SH3GL1: variants seen among roughly 807,000 people sequenced by gnomAD.
SH3GL1 encodes endophilin-A2.
A neutral mutation model predicts 48.8 loss-of-function variants in SH3GL1; 21 were observed. That is an observed-to-expected ratio of 0.43 (90% CI 0.30 to 0.62). SH3GL1 has a LOEUF of 0.62. SH3GL1 is among the 20% of genes least tolerant of loss of function. The pLI is 0.11. For missense variants in SH3GL1, 454 were observed against 503.0 expected (o/e 0.90, Z 0.93); for synonymous variants, 282 against 217.5 (o/e 1.30, Z -2.61).
At chr19:4,362,276 C>A in intron 9 of SH3GL1, 53 bp downstream of exon 9, 2 of 1,562,828 alleles carry the variant, frequency 1.3e-6, no homozygotes, top group Non-Finnish European at 1.7e-6. Context: ...AACACCCTCC[C>A]CGAATGGCCG....
chr19:4,383,186 G>C (rs904838003), intron 1 of SH3GL1, among the ~76,000 whole-genome samples: 1 of 151,622 alleles, frequency 6.6e-6, no homozygotes, highest in South Asian at 2.1e-4. Flanking sequence ...CCAAAATGCT[G>C]GGATTACAGG....
intron 1 of SH3GL1, among the ~76,000 whole-genome samples, chr19:4,369,071 CAAAA>C (rs1018911764): frequency 9.9e-5 from 15 of 151,920 alleles, no homozygotes; most frequent in East Asian, 9.7e-4. Flanking sequence ...GACTCCATCT[CAAAA>C]GAAAGAAGAA....
chr19:4,383,267 T>A (rs1483797536), intron 1 of SH3GL1, among the ~76,000 whole-genome samples: 2 of 150,292 alleles, frequency 1.3e-5, no homozygotes, highest in Non-Finnish European at 2.9e-5. Context: ...CAGGCTAGAG[T>A]GCAGTGGCGT....
At chr19:4,393,644 G>A (rs1455848488) in intron 1 of SH3GL1, among the ~76,000 whole-genome samples, 1 of 151,892 alleles carries the variant, frequency 6.6e-6, no homozygotes, top group African/African-American at 2.4e-5. Context: ...ACAAAAATGA[G>A]CTGGGCGTGG....
At chr19:4,386,922 T>C (rs1044461683) in intron 1 of SH3GL1, among the ~76,000 whole-genome samples, 1 of 152,158 alleles carries the variant, frequency 6.6e-6, no homozygotes, top group Non-Finnish European at 1.5e-5. Flanking sequence ...TCCGCTGCAA[T>C]TCCCCTTCTG....
chr19:4,377,266 G>C lies in SH3GL1; in HGVS notation c.46-10272C>G, dbSNP rs144642229. 1.7e-3 allele frequency among the ~76,000 whole-genome samples: 266 copies of C among 152,372 alleles called. 2 individuals are homozygous for C. Among genetic ancestry groups the C allele is most frequent in the African/African-American group, 6.2e-3 (257 of 41,590 alleles). On this transcript the variant is annotated intron_variant, in intron 1 of 9. Coordinates refer to ENST00000269886, the MANE Select transcript of SH3GL1 (RefSeq NM_003025.4). Reference sequence around the variant, plus strand: ...TGAGGTCTGGGCGGATAGGACACGGGAGAGGCAAGCACTGGAGGCCAAACA... The same window carrying C: ...TGAGGTCTGGGCGGATAGGACACGGCAGAGGCAAGCACTGGAGGCCAAACA...
At chr19:4,391,778 G>A (rs1009441229) in intron 1 of SH3GL1, among the ~76,000 whole-genome samples, 33 of 152,188 alleles carry the variant, frequency 2.2e-4, no homozygotes, top group African/African-American at 8.0e-4. Flanking sequence ...CTGGCACACA[G>A]TTCAGGCCTC....
chr19:4,386,319 T>C (rs1054442145), intron 1 of SH3GL1, among the ~76,000 whole-genome samples: 41 of 152,184 alleles, frequency 2.7e-4, no homozygotes, highest in African/African-American at 9.9e-4. Context: ...GCAGGGGGCT[T>C]CCTGAGAATA....
Position 4,367,740 on chromosome 19 carries a change from C to T in SH3GL1, c.46-746G>A, listed in dbSNP as rs940214215. Among the ~76,000 whole-genome samples, 5 of 152,240 alleles carry T rather than the reference C, an allele frequency of 3.3e-5. No individual in the cohort carries two copies. Among genetic ancestry groups the T allele is most frequent in the Non-Finnish European group, 7.3e-5 (5 of 68,038 alleles). Reference sequence around the variant, plus strand: ...TGAATTCCCAAACCACTCCCTCTGACAGCGCCTGGGATGCGAAAAACAGCC... The same window carrying T: ...TGAATTCCCAAACCACTCCCTCTGATAGCGCCTGGGATGCGAAAAACAGCC... On this transcript the variant is annotated intron_variant, in intron 1 of 9. Coordinates refer to ENST00000269886, the MANE Select transcript of SH3GL1 (RefSeq NM_003025.4). The surrounding 1 kb of genome is among the most constrained non-coding windows in gnomAD (Gnocchi z 4.2).
chr19:4,399,979 A>G (rs898479278), intron 1 of SH3GL1, among the ~76,000 whole-genome samples: 2 of 152,128 alleles, frequency 1.3e-5, no homozygotes, highest in African/African-American at 2.4e-5. Context: ...ATCTGGCAAG[A>G]GTCCTGTGTC....
At position 4,400,201 on chromosome 19, in the gene SH3GL1, G is replaced by T; in HGVS notation, c.45+123C>A. ...GTCCCTTGGTCTTCCCACCTGGCAGGGGACACGCGCCAACGTCCCCACCTC... is the reference window on the plus strand; with the variant it reads ...GTCCCTTGGTCTTCCCACCTGGCAGTGGACACGCGCCAACGTCCCCACCTC... On this transcript the variant is annotated intron_variant, in intron 1 of 9. Transcript: ENST00000269886. The surrounding 1 kb of genome is among the most constrained non-coding windows in gnomAD (Gnocchi z 4.1). 1 of 1,075,878 alleles carries T rather than the reference G, an allele frequency of 9.3e-7. No individual in the cohort carries two copies. Among genetic ancestry groups the T allele is most frequent in the East Asian group, 3.1e-5 (1 of 32,640 alleles). The allele number at this position is 1,075,878 out of a possible 1,614,324, so 66.6% of individuals were successfully genotyped here.
intron 1 of SH3GL1, among the ~76,000 whole-genome samples, chr19:4,369,659 G>C (rs1056512284): frequency 6.6e-6 from 1 of 152,162 alleles, no homozygotes; most frequent in Non-Finnish European, 1.5e-5. Flanking sequence ...ATCTCACCTG[G>C]GAATCCAGGA....
At chr19:4,388,265 G>T (rs1211771214) in intron 1 of SH3GL1, among the ~76,000 whole-genome samples, 1 of 152,220 alleles carries the variant, frequency 6.6e-6, no homozygotes. Flanking sequence ...GGCCGAATCA[G>T]CTAATGGGTT....
At chr19:4,397,910 G>A (rs932525967) in intron 1 of SH3GL1, among the ~76,000 whole-genome samples, 1 of 151,970 alleles carries the variant, frequency 6.6e-6, no homozygotes, top group Non-Finnish European at 1.5e-5. Context: ...GCAGTGGCAC[G>A]ATCATAGTTC....
chr19:4,362,485 T>C lies in SH3GL1; in HGVS notation c.854-100A>G. On this transcript the variant is annotated intron_variant, in intron 8 of 9. Transcript: ENST00000269886. ...CAGCCCTTCCCGTCTGCCTTGGCGG[T>C]CCAGATGGAGCACGGCTGAGAGCTG... 5 of 1,571,392 alleles carry C rather than the reference T, an allele frequency of 3.2e-6. No homozygotes were observed. In the African/African-American group the frequency reaches 6.8e-5, roughly 21 times the overall value.
In SH3GL1 at chr19:4,361,523, G is replaced by A. The variant is rs1421481208; in HGVS notation, c.*77C>T. On this transcript the variant is annotated 3_prime_UTR_variant, in exon 10 of 10. Transcript: ENST00000269886. Reference sequence around the variant, plus strand: ...CTCAGACACCGCCCTGGCAGCAGGGGCTCCGTGGAATGCAGGAGACCCAGC... The same window carrying A: ...CTCAGACACCGCCCTGGCAGCAGGGACTCCGTGGAATGCAGGAGACCCAGC... 10 of 1,158,144 alleles carry A rather than the reference G, an allele frequency of 8.6e-6. No individual in the cohort carries two copies. The highest frequency in any genetic ancestry group is 8.6e-6 in the Non-Finnish European group (7 of 813,642). The allele number at this position is 1,158,144 out of a possible 1,614,324, so 71.7% of individuals were successfully genotyped here.
At chr19:4,378,020 C>T (rs1172104378) in intron 1 of SH3GL1, among the ~76,000 whole-genome samples, 1 of 152,170 alleles carries the variant, frequency 6.6e-6, no homozygotes, top group Non-Finnish European at 1.5e-5. Context: ...CTCTCGTCGC[C>T]AACCCACCCC....
intron 4 of SH3GL1, 93 bp from the exon 5 acceptor site, chr19:4,364,314 C>T (rs544472890): frequency 2.7e-6 from 4 of 1,506,200 alleles, no homozygotes; most frequent in Non-Finnish European, 2.8e-6. Context: ...TAGCGTTTCA[C>T]AGGCTGGAAC....
At chr19:4,388,612 G>C in intron 1 of SH3GL1, among the ~76,000 whole-genome samples, 1 of 152,238 alleles carries the variant, frequency 6.6e-6, no homozygotes, top group East Asian at 1.9e-4. Flanking sequence ...AAGAATCTTG[G>C]CAAACAGGGC....
Sources: gnomAD v4.1 joint callset for allele counts (sites outside exome capture counted in the v4.1 genomes callset) on GRCh38, gnomAD v4.1.1 for gene constraint, Gnocchi (gnomAD v3.1) non-coding constraint, MANE v1.5 for transcripts, NCBI Gene and HGNC (gene_info 2026-07-23, HGNC 2026-07-21) for gene names.